Variants in C1orf94 observed in about 807,000 individuals in gnomAD.
C1orf94 encodes chromosome 1 open reading frame 94.
Under a neutral mutation model 53.6 loss-of-function variants are expected in C1orf94, and 45 were observed. The observed-to-expected ratio is 0.84, with a 90% CI of 0.66 to 1.08. C1orf94 has a LOEUF of 1.08. Ranked by LOEUF, C1orf94 falls within the 50% of genes least tolerant of loss-of-function variation. The pLI, the probability that C1orf94 is intolerant of heterozygous loss-of-function variation, is 0.00. For missense variants in C1orf94, 762 were observed against 738.9 expected, an observed-to-expected ratio of 1.03 and a Z score of -0.36; for synonymous variants, 304 against 296.1, an observed-to-expected ratio of 1.03 and a Z score of -0.27.
intron 5 of C1orf94, 101 bp from the exon 6 acceptor site, chr1:34,212,109 G>A (rs926889356): frequency 1.9e-6 from 2 of 1,065,334 alleles, no homozygotes; most frequent in African/African-American, 3.2e-5. Flanking sequence ...GTACCCAGCA[G>A]TGACTGAGGA....
intron 6 of C1orf94, 38 bp downstream of exon 6, chr1:34,212,444 A>G: frequency 6.4e-7 from 1 of 1,573,306 alleles, no homozygotes; most frequent in Non-Finnish European, 8.6e-7. Flanking sequence ...GGGTATCCAG[A>G]AAGCTGGTGG....
intron 1 of C1orf94, among the ~76,000 whole-genome samples, chr1:34,191,962 G>T (rs1642500423): frequency 6.6e-6 from 1 of 152,156 alleles, no homozygotes; most frequent in Non-Finnish European, 1.5e-5. Flanking sequence ...ATCATTTCTG[G>T]AGATGGGCAA....
rs745596879 is a variant in C1orf94, at chr1:34,212,376, G to A, written c.1691G>A (p.Gly564Glu). ...PRDPPLMAGDGPQYLFPQGYG... is the reference protein window; with the variant it reads ...PRDPPLMAGDEPQYLFPQGYG... ...GACCCTCCCCTAATGGCAGGAGATG[G>A]ACCGCAGTACCTCTTTCCCCAAGGA... Residue 564 changes from glycine (G) to glutamate (E), a missense_variant, in exon 6 of 7, where the codon GGA (glycine) becomes GAA (glutamate). Physicochemically the swap from Gly to Glu is moderately conservative, Grantham distance 98 (BLOSUM62 -2). Transcript: ENST00000488417. 3.7e-6 allele frequency: 6 copies of A among 1,612,578 alleles called. No homozygotes were observed. In the East Asian group the frequency reaches 1.3e-4, roughly 36 times the overall value.
upstream of C1orf94, among the ~76,000 whole-genome samples, chr1:34,176,734 T>G (rs1642231078): frequency 6.6e-6 from 1 of 152,140 alleles, no homozygotes; most frequent in Non-Finnish European, 1.5e-5. Context: ...AGGATTAAAA[T>G]CGAGGTTGCC....
intron 1 of C1orf94, among the ~76,000 whole-genome samples, chr1:34,194,011 T>A (rs1642540278): frequency 6.6e-6 from 1 of 151,940 alleles, no homozygotes; most frequent in African/African-American, 2.4e-5. Flanking sequence ...GAGTTCAGAA[T>A]GGAGACAAGG....
intron 1 of C1orf94, chr1:34,167,292 C>T (rs1571329161): frequency 1.3e-5 from 2 of 152,236 alleles, no homozygotes; most frequent in South Asian, 4.1e-4. Context: ...GAGAAAGGAA[C>T]TGGCAGAGAT....
At chr1:34,209,501 GCCATA>G (rs1642856274) in intron 5 of C1orf94, among the ~76,000 whole-genome samples, 2 of 152,102 alleles carry the variant, frequency 1.3e-5, no homozygotes, top group East Asian at 3.9e-4. Context: ...CACCCAGCCT[GCCATA>G]GCACCAGGCT....
At chr1:34,214,674 G>T (rs1642953536) in intron 6 of C1orf94, among the ~76,000 whole-genome samples, 1 of 152,196 alleles carries the variant, frequency 6.6e-6, no homozygotes, top group African/African-American at 2.4e-5. Context: ...GGGAACCACC[G>T]ACTGGGAGCT....
chr1:34,193,567 G>T (rs1642532728), intron 1 of C1orf94, among the ~76,000 whole-genome samples: 1 of 152,228 alleles, frequency 6.6e-6, no homozygotes, highest in South Asian at 2.1e-4. Context: ...CCAGGCTGGG[G>T]GTGGGGAGGA....
At position 34,218,848 on chromosome 1, in the gene C1orf94, G is replaced by A. The variant is rs1643034831; in HGVS notation, c.*87G>A. 1.6e-6 allele frequency: 2 copies of A among 1,275,224 alleles called. No homozygotes were observed. Among genetic ancestry groups the A allele is most frequent in the Non-Finnish European group, 2.2e-6 (2 of 916,792 alleles). 79.0% of individuals were successfully genotyped at this position (1,275,224 alleles called of 1,614,324 possible). A position where few individuals can be genotyped will look rare whatever the true frequency, so the allele number is the denominator to read the frequency against. On this transcript the variant is annotated 3_prime_UTR_variant, in exon 7 of 7. Coordinates refer to ENST00000488417, the MANE Select transcript of C1orf94 (RefSeq NM_001134734.2). ...GGATTCTGCAAAAGCTTGGTATGAA[G>A]TTTGGAAAAGCAAGGTTCTGACCAG...
chr1:34,187,632 A>G (rs1642403456), intron 1 of C1orf94, among the ~76,000 whole-genome samples: 1 of 152,020 alleles, frequency 6.6e-6, no homozygotes, highest in African/African-American at 2.4e-5. Context: ...TTCCCTTATT[A>G]AACAGATTCA....
intron 1 of C1orf94, among the ~76,000 whole-genome samples, chr1:34,167,624 GGGGCCCTGAGCGAGGCTGTGCTCT>G (rs67136106): frequency 0.47 from 71,426 of 151,748 alleles, 17,030 homozygotes; most frequent in Middle Eastern, 0.55. Flanking sequence ...CCTGTGCTCG[GGGGCCCTGAGCGAGGCTGTGCTCT>G]GGGCCCTGCA....
At chr1:34,178,978 A>ATTATC (rs1642272911) in intron 1 of C1orf94, among the ~76,000 whole-genome samples, 4 of 152,234 alleles carry the variant, frequency 2.6e-5, no homozygotes, top group Non-Finnish European at 5.9e-5. Context: ...TTAATAATTA[A>ATTATC]GAGCTAATTA....
At chr1:34,211,434 G>T (rs771811068) in intron 5 of C1orf94, among the ~76,000 whole-genome samples, 1 of 152,032 alleles carries the variant, frequency 6.6e-6, no homozygotes, top group Non-Finnish European at 1.5e-5. Flanking sequence ...GTTCTAGGTC[G>T]GAGTTCATCA....
rs753066946 is a variant in C1orf94, at chr1:34,201,025, G to C, written c.1263G>C (p.Glu421Asp). Residue 421 changes from glutamate to aspartate, a missense_variant, in exon 3 of 7, where the codon GAG (glutamate) becomes GAC (aspartate). Coordinates refer to ENST00000488417, the MANE Select transcript of C1orf94 (RefSeq NM_001134734.2). ...ACAAAGTGGAAGTGGATGGGCCGGA[G>C]CTGAAATGTGAGCTGACCTACCCAG... is the stretch of plus-strand genomic sequence containing the variant. ...LRNKVEVDGP[E>D]LKFNAPVTVA... 1 of 1,589,422 alleles carries C rather than the reference G, an allele frequency of 6.3e-7. No homozygotes were observed. The highest frequency in any genetic ancestry group is 8.6e-7 in the Non-Finnish European group (1 of 1,167,398).
intron 3 of C1orf94, 87 bp downstream of exon 3, chr1:34,201,119 C>A: frequency 6.7e-7 from 1 of 1,495,602 alleles, no homozygotes; most frequent in Non-Finnish European, 9.0e-7. Flanking sequence ...CACCAAGTGG[C>A]TGTCTTATCT....
chr1:34,177,728 C>A lies in C1orf94; in HGVS notation c.-62C>A. 7.0e-7 allele frequency: 1 copy of A among 1,437,030 alleles called. No individual in the cohort carries two copies. Among genetic ancestry groups the A allele is most frequent in the Non-Finnish European group, 9.2e-7 (1 of 1,081,142 alleles). The allele number at this position is 1,437,030 out of a possible 1,614,324, so 89.0% of individuals were successfully genotyped here. A position where few individuals can be genotyped will look rare whatever the true frequency, so the allele number is the denominator to read the frequency against. ...TCTGAACCTAACCACCTTGCTGGAG[C>A]GAAAGCCAGACAGAACTGACCCACT... On this transcript the variant is annotated 5_prime_UTR_variant, in exon 1 of 7. Coordinates refer to ENST00000488417, the MANE Select transcript of C1orf94 (RefSeq NM_001134734.2).
intron 1 of C1orf94, among the ~76,000 whole-genome samples, chr1:34,190,923 G>T (rs1431356789): frequency 6.6e-6 from 1 of 152,156 alleles, no homozygotes; most frequent in African/African-American, 2.4e-5. Flanking sequence ...TTTGGGTTGG[G>T]TTCAGCTGGG....
chr1:34,197,146 C>A lies in C1orf94; in HGVS notation c.321-79C>A. On this transcript the variant is annotated intron_variant, in intron 1 of 6. Coordinates refer to ENST00000488417, the MANE Select transcript of C1orf94 (RefSeq NM_001134734.2). The surrounding 1 kb of genome is among the most constrained non-coding windows in gnomAD (Gnocchi z 4.1). ...CATGTTATGCATCCATCTCCCTTTT[C>A]TGGGGCCTATGTCCTTCTGCAAAGC... 1 of 1,292,964 alleles carries A rather than the reference C, an allele frequency of 7.7e-7. No homozygotes were observed. Among genetic ancestry groups the A allele is most frequent in the Non-Finnish European group, 1.0e-6 (1 of 954,350 alleles). The allele number at this position is 1,292,964 out of a possible 1,614,324, so 80.1% of individuals were successfully genotyped here. A position where few individuals can be genotyped will look rare whatever the true frequency, so the allele number is the denominator to read the frequency against.
Sources: gnomAD v4.1 joint callset for allele counts (sites outside exome capture counted in the v4.1 genomes callset) on GRCh38, gnomAD v4.1.1 for gene constraint, Gnocchi (gnomAD v3.1) non-coding constraint, MANE v1.5 for transcripts, NCBI Gene and HGNC (gene_info 2026-07-23, HGNC 2026-07-21) for gene names.